ZNF704: variants seen among roughly 807,000 people sequenced by gnomAD.
ZNF704 encodes zinc finger protein 704.
Under a neutral mutation model 44.7 loss-of-function variants are expected in ZNF704, and 10 were observed. That is an observed-to-expected ratio of 0.22 (90% CI 0.14 to 0.38). ZNF704 has a LOEUF of 0.38. Ranked by LOEUF, ZNF704 falls within the 10% of genes least tolerant of loss-of-function variation. ZNF704 has a pLI of 1.00. For missense variants in ZNF704, 390 were observed against 545.5 expected (o/e 0.71, Z 2.84); for synonymous variants, 211 against 207.6 (o/e 1.02, Z -0.14).
In ZNF704 at chr8:80,821,171, T is replaced by C. The variant is rs746288274; in HGVS notation, c.221+203A>G. 7.9e-5 allele frequency among the ~76,000 whole-genome samples: 12 copies of C among 152,368 alleles called. 1 individual carries two copies. The highest frequency in any genetic ancestry group is 2.1e-4 in the South Asian group (1 of 4,832). ...AAACATTTCTTTTCTAGAGCTACAA[T>C]AGTTCCAACTACAGCAGCCTCAAAG... On this transcript the variant is annotated intron_variant, in intron 2 of 8. Coordinates refer to ENST00000327835, the MANE Select transcript of ZNF704 (RefSeq NM_001033723.3).
intron 2 of ZNF704, among the ~76,000 whole-genome samples, chr8:80,797,543 G>A (rs564623222): frequency 5.3e-5 from 8 of 152,278 alleles, no homozygotes; most frequent in African/African-American, 1.9e-4. Context: ...CAGAGTGGCA[G>A]GTTGAGCCAT....
rs1041786119 is a variant in ZNF704 at position 80,637,427 on chromosome 8, T to C, written c.*3939A>G. 6.6e-6 allele frequency: 1 copy of C among 152,332 alleles called. No homozygotes were observed. Among genetic ancestry groups the C allele is most frequent in the South Asian group, 2.1e-4 (1 of 4,830 alleles). The allele number at this position is 152,332 out of a possible 1,614,324, so 9.4% of individuals were successfully genotyped here. ...AACCTTTGCAAGTGAATGCTGCACT[T>C]TGGAGTCTGATGAAGGGGGAACATG... On this transcript the variant is annotated 3_prime_UTR_variant, in exon 9 of 9. Transcript: ENST00000327835.
At chr8:80,650,656 T>C (rs893403048) in intron 7 of ZNF704, among the ~76,000 whole-genome samples, 3 of 152,172 alleles carry the variant, frequency 2.0e-5, no homozygotes, top group Non-Finnish European at 4.4e-5. Context: ...CCAAGAAATA[T>C]GGGACTATGT....
chr8:80,876,484 G>A (rs1344598986), upstream of ZNF704, among the ~76,000 whole-genome samples: 3 of 152,124 alleles, frequency 2.0e-5, no homozygotes, highest in Admixed American at 6.5e-5. Flanking sequence ...AGGAAAGATC[G>A]GGGCAAGGGG....
At chr8:80,847,829 C>A (rs551422310) in intron 1 of ZNF704, among the ~76,000 whole-genome samples, 1 of 152,302 alleles carries the variant, frequency 6.6e-6, no homozygotes, top group Middle Eastern at 3.4e-3. Flanking sequence ...ATTGTTGGTA[C>A]AAATGCAAAA....
intron 7 of ZNF704, chr8:80,645,268 T>C (rs557867766): frequency 8.2e-6 from 10 of 1,225,002 alleles, no homozygotes; most frequent in Middle Eastern, 2.8e-4. Context: ...TGTAGGAGGA[T>C]AGACATTTAA....
chr8:80,698,076 G>GT (rs1183267045), intron 2 of ZNF704, among the ~76,000 whole-genome samples: 2 of 152,146 alleles, frequency 1.3e-5, no homozygotes, highest in Non-Finnish European at 2.9e-5. Context: ...TGGATTCTAC[G>GT]TTTAAGAGTT....
chr8:80,819,449 T>C (rs576890042), intron 2 of ZNF704, among the ~76,000 whole-genome samples: 2 of 151,910 alleles, frequency 1.3e-5, no homozygotes, highest in East Asian at 3.9e-4. Context: ...TTTTAACATA[T>C]ACAATGGTCT....
rs1462847719 is a variant in ZNF704 at position 80,874,444 on chromosome 8, T to G, written c.-22+127A>C. On this transcript the variant is annotated intron_variant, in intron 1 of 8. Transcript: ENST00000327835. The surrounding 1 kb of genome is among the most constrained non-coding windows in gnomAD (Gnocchi z 4.4). ...GCGCGCTCCGGGCCTACCGCTGCCG[T>G]GCCTCGGCGCGAGCTGTTTGTGTTG... The G allele has an allele frequency of 1.3e-5, 2 of 150,602 alleles. No homozygotes were observed. Among genetic ancestry groups the G allele is most frequent in the South Asian group, 4.1e-4 (2 of 4,830 alleles). 9.3% of individuals were successfully genotyped at this position (150,602 alleles called of 1,614,324 possible).
chr8:80,807,362 C>G (rs1808006578), intron 2 of ZNF704, among the ~76,000 whole-genome samples: 1 of 152,098 alleles, frequency 6.6e-6, no homozygotes, highest in East Asian at 1.9e-4. Context: ...AGGAAGCCCC[C>G]AGCCAATGCT....
intron 1 of ZNF704, among the ~76,000 whole-genome samples, chr8:80,848,861 A>G (rs762271393): frequency 6.6e-6 from 1 of 152,214 alleles, no homozygotes; most frequent in Non-Finnish European, 1.5e-5. Flanking sequence ...AGGTAAATCA[A>G]TAAAGGCACA....
chr8:80,767,760 A>C (rs1807252228), intron 2 of ZNF704, among the ~76,000 whole-genome samples: 1 of 152,182 alleles, frequency 6.6e-6, no homozygotes, highest in African/African-American at 2.4e-5. Flanking sequence ...ACCTTTACAA[A>C]GAAATTCACT....
At chr8:80,786,746 G>A (rs894322031) in intron 2 of ZNF704, among the ~76,000 whole-genome samples, 5 of 152,152 alleles carry the variant, frequency 3.3e-5, no homozygotes, top group Non-Finnish European at 7.4e-5. Context: ...CCTGGATGTT[G>A]TGATGGAAAC....
At chr8:80,822,569 G>A (rs1384011113) in intron 1 of ZNF704, among the ~76,000 whole-genome samples, 49 of 146,912 alleles carry the variant, frequency 3.3e-4, no homozygotes, top group South Asian at 8.8e-4. Context: ...CCCAGTAATG[G>A]GATGGCTGGG....
At chr8:80,834,268 A>G (rs1344582658) in intron 1 of ZNF704, among the ~76,000 whole-genome samples, 1 of 152,168 alleles carries the variant, frequency 6.6e-6, no homozygotes, top group Non-Finnish European at 1.5e-5. Context: ...CTAGTGTTCC[A>G]TGACTTTCAG....
At chr8:80,870,863 C>G (rs567246744) in intron 1 of ZNF704, among the ~76,000 whole-genome samples, 1 of 152,284 alleles carries the variant, frequency 6.6e-6, no homozygotes, top group East Asian at 1.9e-4. Context: ...ACCACACCCT[C>G]CACCTGGTTG....
At chr8:80,820,739 A>G (rs1808255947) in intron 2 of ZNF704, among the ~76,000 whole-genome samples, 1 of 152,074 alleles carries the variant, frequency 6.6e-6, no homozygotes, top group Admixed American at 6.6e-5. Context: ...CATCTCTACA[A>G]AAAATAAAAA....
intron 2 of ZNF704, among the ~76,000 whole-genome samples, chr8:80,798,214 T>C (rs1482913953): frequency 6.6e-6 from 1 of 152,154 alleles, no homozygotes; most frequent in East Asian, 1.9e-4. Context: ...ACCTTGTTTC[T>C]CAGTTCCATC....
intron 3 of ZNF704, among the ~76,000 whole-genome samples, chr8:80,688,629 G>A (rs1818580658): frequency 1.3e-5 from 2 of 152,186 alleles, no homozygotes; most frequent in South Asian, 4.1e-4. Context: ...GCAAAGCTGG[G>A]ATAGGATAAG....
Sources: allele counts gnomAD v4.1 joint callset (sites outside exome capture counted in the v4.1 genomes callset), GRCh38; gene constraint gnomAD v4.1.1; non-coding constraint Gnocchi (gnomAD v3.1); transcripts MANE v1.5; gene names NCBI Gene and HGNC (gene_info 2026-07-23, HGNC 2026-07-21).